Variants in DCAF8L2 observed in about 807,000 individuals in gnomAD.
DCAF8L2 encodes the protein DDB1 and CUL4 associated factor 8 like 2.
For synonymous variants in DCAF8L2, 200 were observed against 190.9 expected (o/e 1.05, Z -0.39); for missense variants, 430 against 490.7 (o/e 0.88, Z 1.17).
the DCAF8L2 span, among the ~76,000 whole-genome samples, chrX:27,490,444 G>GTTTGTTT: frequency 1.8e-5 from 2 of 110,015 alleles, no homozygotes; most frequent in Non-Finnish European, 3.8e-5. Flanking sequence ...TTGTGTGTTT[G>GTTTGTTT]TTTGTTTTTT....
chrX:27,483,569 G>T, the DCAF8L2 span, among the ~76,000 whole-genome samples: 1 of 110,681 alleles, frequency 9.0e-6, no homozygotes. Context: ...CTTTACTTTT[G>T]TCCAGTTGGG....
At chrX:27,553,936 T>G in the DCAF8L2 span, among the ~76,000 whole-genome samples, 15 of 112,148 alleles carry the variant, frequency 1.3e-4, no homozygotes, top group Non-Finnish European at 2.6e-4. Context: ...TTGAACAGAA[T>G]GCACTAGTGG....
chrX:27,571,335 C>G, the DCAF8L2 span, among the ~76,000 whole-genome samples: 1 of 111,878 alleles, frequency 8.9e-6, no homozygotes, highest in Non-Finnish European at 1.9e-5. Context: ...ACCTACTTCC[C>G]TCTGTCAAAG....
At chrX:27,499,980 A>G in the DCAF8L2 span, among the ~76,000 whole-genome samples, 3 of 111,815 alleles carry the variant, frequency 2.7e-5, no homozygotes, top group Non-Finnish European at 5.6e-5. Context: ...GTGTTGTCCA[A>G]TTTGTGTATT....
At chrX:27,691,985 G>A (rs1482750686) in intron 3 of DCAF8L2, among the ~76,000 whole-genome samples, 3 of 111,786 alleles carry the variant, frequency 2.7e-5, no homozygotes, top group African/African-American at 9.7e-5. Context: ...TGATCATAAC[G>A]TGCTTCTGTT....
At chrX:27,692,328 T>G (rs1056134880) in intron 3 of DCAF8L2, among the ~76,000 whole-genome samples, 1 of 111,910 alleles carries the variant, frequency 8.9e-6, no homozygotes, top group Non-Finnish European at 1.9e-5. Context: ...CATAGTATCA[T>G]GAGACAGACA....
chrX:27,493,724 GA>G, the DCAF8L2 span, among the ~76,000 whole-genome samples: 434 of 26,868 alleles, frequency 0.016, 7 homozygotes, highest in African/African-American at 0.026. Flanking sequence ...AAAAAAAAAA[GA>G]AAAAAAAAAA....
chrX:27,567,086 C>T, the DCAF8L2 span, among the ~76,000 whole-genome samples: 3 of 111,241 alleles, frequency 2.7e-5, no homozygotes, highest in African/African-American at 9.8e-5. Flanking sequence ...CACCGTGGTC[C>T]GAGATGATAC....
the DCAF8L2 span, among the ~76,000 whole-genome samples, chrX:27,547,511 G>T: frequency 8.9e-6 from 1 of 112,040 alleles, no homozygotes; most frequent in Non-Finnish European, 1.9e-5. Context: ...TCACAGTTCT[G>T]CATGGCTGGA....
the DCAF8L2 span, among the ~76,000 whole-genome samples, chrX:27,561,643 A>G: frequency 9.0e-6 from 1 of 111,429 alleles, no homozygotes; most frequent in East Asian, 2.8e-4. Context: ...CTATGAATAT[A>G]TCTGTTCTGG....
intron 2 of DCAF8L2, among the ~76,000 whole-genome samples, chrX:27,651,435 T>C (rs1246786351): frequency 9.0e-6 from 1 of 111,048 alleles, no homozygotes; most frequent in Non-Finnish European, 1.9e-5. Context: ...ATTCAATGGC[T>C]TCTTGCATGT....
chrX:27,667,012 C>G (rs1602714549), intron 2 of DCAF8L2, among the ~76,000 whole-genome samples: 1 of 110,439 alleles, frequency 9.1e-6, no homozygotes, highest in South Asian at 3.9e-4. Context: ...AGATTTTGAA[C>G]TTTGAACCAG....
the DCAF8L2 span, among the ~76,000 whole-genome samples, chrX:27,581,100 T>C: frequency 8.9e-6 from 1 of 112,322 alleles, no homozygotes; most frequent in South Asian, 3.7e-4. Flanking sequence ...CATAATTCAA[T>C]GACTAACCAC....
intron 4 of DCAF8L2, among the ~76,000 whole-genome samples, chrX:27,731,985 C>T (rs998638436): frequency 9.0e-6 from 1 of 111,171 alleles, no homozygotes; most frequent in Non-Finnish European, 1.9e-5. Context: ...ATTCAAACCC[C>T]GGTCCTGGGT....
chrX:27,617,307 G>C (rs1927524873), intron 1 of DCAF8L2, among the ~76,000 whole-genome samples: 1 of 110,912 alleles, frequency 9.0e-6, no homozygotes, highest in Admixed American at 9.7e-5. Flanking sequence ...TGTGTGCAGA[G>C]CTGTGCTCAG....
At chrX:27,690,220 A>C (rs1930664522) in intron 3 of DCAF8L2, among the ~76,000 whole-genome samples, 1 of 111,626 alleles carries the variant, frequency 9.0e-6, no homozygotes, top group Non-Finnish European at 1.9e-5. Context: ...AAATAATAAA[A>C]GAAGATAAAC....
intron 2 of DCAF8L2, among the ~76,000 whole-genome samples, chrX:27,664,453 A>G (rs1929670207): frequency 3.6e-5 from 4 of 112,392 alleles, no homozygotes; most frequent in Non-Finnish European, 7.5e-5. Flanking sequence ...ATGAGGTTCA[A>G]GGAAAGAAGC....
intron 4 of DCAF8L2, among the ~76,000 whole-genome samples, chrX:27,717,697 A>C (rs1931749991): frequency 8.9e-6 from 1 of 111,998 alleles, no homozygotes; most frequent in Non-Finnish European, 1.9e-5. Flanking sequence ...CATTCTGATG[A>C]TAGTTTCTTT....
At chrX:27,527,238 C>T in the DCAF8L2 span, among the ~76,000 whole-genome samples, 1 of 112,067 alleles carries the variant, frequency 8.9e-6, no homozygotes, top group Non-Finnish European at 1.9e-5. Context: ...GTGCCCCTCC[C>T]CCAGCCTCGC....
Sources: allele counts gnomAD v4.1 joint callset (sites outside exome capture counted in the v4.1 genomes callset), GRCh38; gene constraint gnomAD v4.1.1; transcripts MANE v1.5; gene names NCBI Gene and HGNC (gene_info 2026-07-23, HGNC 2026-07-21).